Variants in DISC1 observed in about 807,000 individuals in gnomAD.
DISC1 encodes the protein disrupted in schizophrenia 1 protein.
A neutral mutation model predicts 84.5 loss-of-function variants in DISC1; 57 were observed. The ratio of observed to expected loss-of-function variants is 0.67; its 90% CI spans 0.55 to 0.84. The LOEUF (loss-of-function observed/expected upper bound fraction) is 0.84, where lower values mean the gene tolerates loss of function less well. Among genes scored for constraint, DISC1 ranks in the 40% least tolerant of loss-of-function variants. DISC1 has a pLI of 0.00. For missense variants in DISC1, 1,000 were observed against 1,057.8 expected (o/e 0.95, Z 0.76); for synonymous variants, 411 against 415.2 (o/e 0.99, Z 0.12).
intron 3 of DISC1, among the ~76,000 whole-genome samples, chr1:231,705,321 T>TAA (rs5781665): frequency 2.0e-3 from 211 of 104,056 alleles, no homozygotes; most frequent in African/African-American, 6.0e-3. Flanking sequence ...AAAAAATCAT[T>TAA]AAAAAAAAAA....
intron 10 of DISC1, among the ~76,000 whole-genome samples, chr1:232,001,263 G>C (rs1400928736): frequency 6.6e-6 from 1 of 152,008 alleles, no homozygotes; most frequent in Non-Finnish European, 1.5e-5. Flanking sequence ...ATTTTTAGTA[G>C]AGATGGGGTT....
chr1:231,879,907 G>A (rs1302839792), intron 9 of DISC1, among the ~76,000 whole-genome samples: 1 of 152,154 alleles, frequency 6.6e-6, no homozygotes, highest in Non-Finnish European at 1.5e-5. Flanking sequence ...ACAGAGGTCT[G>A]GACTCAGAGT....
chr1:232,001,566 C>A (rs1380885527), intron 10 of DISC1, among the ~76,000 whole-genome samples: 1 of 151,984 alleles, frequency 6.6e-6, no homozygotes, highest in Non-Finnish European at 1.5e-5. Context: ...TGAGATGAAA[C>A]CCTAAAAATA....
At chr1:231,971,477 G>T (rs568094501) in intron 10 of DISC1, among the ~76,000 whole-genome samples, 2 of 152,294 alleles carry the variant, frequency 1.3e-5, no homozygotes, top group African/African-American at 4.8e-5. Flanking sequence ...TGCAGCAGCC[G>T]TGGCAAATGT....
chr1:231,904,253 CTAACAT>C (rs2088446435), intron 9 of DISC1, among the ~76,000 whole-genome samples: 1 of 152,230 alleles, frequency 6.6e-6, no homozygotes, highest in South Asian at 2.1e-4. Context: ...CAGACTTCCT[CTAACAT>C]TACATTTCCC....
At chr1:231,915,665 C>T (rs1432586287) in intron 9 of DISC1, among the ~76,000 whole-genome samples, 1 of 152,152 alleles carries the variant, frequency 6.6e-6, no homozygotes, top group Non-Finnish European at 1.5e-5. Context: ...GTAATCGCAG[C>T]TACTTGGGAG....
chr1:232,000,369 A>T (rs1431778737), intron 10 of DISC1, among the ~76,000 whole-genome samples: 1 of 152,256 alleles, frequency 6.6e-6, no homozygotes, highest in Admixed American at 6.5e-5. Flanking sequence ...ATTCAGTGAA[A>T]TTGAGAACAG....
chr1:231,901,839 G>T (rs926280383), intron 9 of DISC1, among the ~76,000 whole-genome samples: 4 of 152,120 alleles, frequency 2.6e-5, no homozygotes, highest in African/African-American at 9.7e-5. Context: ...TGTCAGAAGA[G>T]AGGGTGTGAC....
intron 1 of DISC1, among the ~76,000 whole-genome samples, chr1:231,646,120 A>T (rs1348298842): frequency 6.6e-6 from 1 of 150,838 alleles, no homozygotes; most frequent in Non-Finnish European, 1.5e-5. Flanking sequence ...GTCATTTAGC[A>T]TTAGGTATAT....
chr1:231,955,440 G>GT lies in DISC1; in HGVS notation c.1982-3380dup, dbSNP rs982093486. On this transcript the variant is annotated intron_variant, in intron 9 of 12. Coordinates refer to ENST00000439617, the MANE Select transcript of DISC1 (RefSeq NM_018662.3). ...CCCATCTCAGTTGATGGCAATTTCTGTTTTTTTTCTGGTGGCTTAGGGTAA... is the reference window on the plus strand; with the variant it reads ...CCCATCTCAGTTGATGGCAATTTCTGTTTTTTTTTCTGGTGGCTTAGGGTAA... 5.9e-5 allele frequency among the ~76,000 whole-genome samples: 8 copies of GT among 135,044 alleles called. No homozygotes were observed. In the East Asian group the frequency reaches 6.7e-4, roughly 11 times the overall value. 88.6% of individuals were successfully genotyped at this position (135,044 alleles called of 152,430 possible).
At chr1:231,834,204 G>A (rs2082454210) in intron 9 of DISC1, among the ~76,000 whole-genome samples, 1 of 152,212 alleles carries the variant, frequency 6.6e-6, no homozygotes. Flanking sequence ...CAGACCGGGT[G>A]TAAGGAGGAG....
intron 10 of DISC1, among the ~76,000 whole-genome samples, chr1:232,005,600 T>TA (rs1158005722): frequency 6.6e-6 from 1 of 152,240 alleles, no homozygotes; most frequent in Non-Finnish European, 1.5e-5. Context: ...ATACATGATA[T>TA]TCTTAGCTGA....
intron 9 of DISC1, among the ~76,000 whole-genome samples, chr1:231,945,915 G>A (rs1397852117): frequency 6.6e-6 from 1 of 152,156 alleles, no homozygotes; most frequent in Non-Finnish European, 1.5e-5. Flanking sequence ...AACCAGGAAG[G>A]AGTGGAATCC....
intron 4 of DISC1, chr1:231,750,635 CCAATGTCCA>C (rs1419819439): frequency 5.1e-6 from 5 of 973,390 alleles, no homozygotes; most frequent in Middle Eastern, 5.3e-4. Flanking sequence ...TTAAAACCTA[CCAATGTCCA>C]GGCTCCTCCC....
chr1:231,774,494 C>T lies in DISC1; in HGVS notation c.1634+3424C>T, dbSNP rs191748294. ...GAGTGTGGCCACCCTGAGACATCCT[C>T]ATTATCTGGGTGATTCTCAAGAGGT... On this transcript the variant is annotated intron_variant, in intron 6 of 12. Transcript: ENST00000439617. 71 of 335,220 alleles carry T rather than the reference C, an allele frequency of 2.1e-4. 1 individual carries two copies. In the East Asian group the frequency reaches 4.9e-3, roughly 23 times the overall value. The allele number at this position is 335,220 out of a possible 1,614,324, so 20.8% of individuals were successfully genotyped here. A position where few individuals can be genotyped will look rare whatever the true frequency, so the allele number is the denominator to read the frequency against.
At chr1:231,889,706 T>C (rs560389917) in intron 9 of DISC1, among the ~76,000 whole-genome samples, 1 of 152,204 alleles carries the variant, frequency 6.6e-6, no homozygotes, top group East Asian at 1.9e-4. Context: ...GAGCTCTTCT[T>C]ACCACACATG....
rs1392143815 is a variant in DISC1 at position 232,037,300 on chromosome 1, C to G, written c.*469C>G. ...TTACACGTTCCTACAGGTGCACAAT[C>G]TAAGAGAGCTAATTAACCTCAGAGT... On this transcript the variant is annotated 3_prime_UTR_variant, in exon 13 of 13. Transcript: ENST00000439617. 1 of 152,278 alleles carries G rather than the reference C, an allele frequency of 6.6e-6. No homozygotes were observed. Among genetic ancestry groups the G allele is most frequent in the Non-Finnish European group, 1.5e-5 (1 of 68,116 alleles). 9.4% of individuals were successfully genotyped at this position (152,278 alleles called of 1,614,324 possible).
At chr1:231,790,010 T>G (rs1209392038) in intron 6 of DISC1, among the ~76,000 whole-genome samples, 1 of 152,198 alleles carries the variant, frequency 6.6e-6, no homozygotes. Context: ...ACATAACATT[T>G]TCTTAGAGCC....
chr1:231,907,131 CTCT>C lies in DISC1; in HGVS notation c.1982-51695_1982-51693del, dbSNP rs1350491374. On this transcript the variant is annotated intron_variant, in intron 9 of 12. Transcript: ENST00000439617. ...CTCTCCTTCCTTCCTTCCTTCCTTCCTCTTTCTTTCTTTCTTTCTTTCTTTCTT... is the reference window on the plus strand; with the variant it reads ...CTCTCCTTCCTTCCTTCCTTCCTTCCTTCTTTCTTTCTTTCTTTCTTTCTT... Among the ~76,000 whole-genome samples, 67 of 93,200 alleles carry C rather than the reference CTCT, an allele frequency of 7.2e-4. 1 individual carries two copies. The highest frequency in any genetic ancestry group is 7.2e-4 in the Non-Finnish European group (36 of 50,216). 61.1% of individuals were successfully genotyped at this position (93,200 alleles called of 152,430 possible).
Sources: gnomAD v4.1 joint callset for allele counts (sites outside exome capture counted in the v4.1 genomes callset) on GRCh38, gnomAD v4.1.1 for gene constraint, MANE v1.5 for transcripts, NCBI Gene and HGNC (gene_info 2026-07-23, HGNC 2026-07-21) for gene names.